GRIK1: variants seen among roughly 807,000 people sequenced by gnomAD.
GRIK1 encodes the protein glutamate ionotropic receptor kainate type subunit 1.
A neutral mutation model predicts 105.7 loss-of-function variants in GRIK1; 69 were observed. The observed-to-expected ratio is 0.65, with a 90% CI of 0.54 to 0.80. The LOEUF is 0.80. GRIK1 is among the 30% of genes least tolerant of loss of function. The probability of loss-of-function intolerance (pLI) is 0.00; values close to 1 mark genes in which losing one functional copy is unlikely to be tolerated. For synonymous variants in GRIK1, 438 were observed against 431.3 expected, an observed-to-expected ratio of 1.02 and a Z score of -0.19; for missense variants, 1,109 against 1,167.3, an observed-to-expected ratio of 0.95 and a Z score of 0.73.
intron 1 of GRIK1, among the ~76,000 whole-genome samples, chr21:29,697,628 A>C (rs1197226704): frequency 6.6e-6 from 1 of 152,206 alleles, no homozygotes; most frequent in East Asian, 1.9e-4. Flanking sequence ...TGTACCAAAA[A>C]AGTGAGATCT....
intron 7 of GRIK1, among the ~76,000 whole-genome samples, chr21:29,629,194 A>ATGTGTGTGTGTG (rs71191120): frequency 6.9e-4 from 92 of 132,658 alleles, no homozygotes; most frequent in Middle Eastern, 7.2e-3. Flanking sequence ...GAAAGGAGAA[A>ATGTGTGTGTGTG]TGTGTGTGTG....
intron 1 of GRIK1, among the ~76,000 whole-genome samples, chr21:29,825,074 T>G (rs1391350048): frequency 1.3e-5 from 2 of 152,084 alleles, no homozygotes; most frequent in Admixed American, 1.3e-4. Flanking sequence ...TGATTAAAGA[T>G]TAGAGCCAGA....
At chr21:29,668,008 T>G (rs1269762660) in intron 4 of GRIK1, among the ~76,000 whole-genome samples, 2 of 152,222 alleles carry the variant, frequency 1.3e-5, no homozygotes, top group Non-Finnish European at 2.9e-5. Context: ...TTGGCAGAGA[T>G]GAGAGTATAG....
intron 1 of GRIK1, among the ~76,000 whole-genome samples, chr21:29,743,170 G>A (rs2064970066): frequency 6.6e-6 from 1 of 152,112 alleles, no homozygotes; most frequent in Non-Finnish European, 1.5e-5. Context: ...TACATACAGA[G>A]AGAGATGAAG....
intron 7 of GRIK1, among the ~76,000 whole-genome samples, chr21:29,608,974 T>G (rs887368050): frequency 1.3e-5 from 2 of 152,022 alleles, no homozygotes; most frequent in Non-Finnish European, 2.9e-5. Flanking sequence ...TAGGATTAAG[T>G]GAACTGCTGA....
intron 7 of GRIK1, among the ~76,000 whole-genome samples, chr21:29,604,630 T>C (rs1455701701): frequency 6.6e-6 from 1 of 152,238 alleles, no homozygotes; most frequent in Non-Finnish European, 1.5e-5. Flanking sequence ...GCTTGCCTTA[T>C]GTAGAAGCAT....
rs13050890 is a variant in GRIK1 at position 29,560,357 on chromosome 21, T to C, written c.2356+1267A>G. On this transcript the variant is annotated intron_variant, in intron 15 of 17. Transcript: ENST00000327783. The stretch of plus-strand genomic sequence containing the variant: ...TTTCTTTCTTTCTTTCTTTCTTTCT[T>C]TTTCTTTCTTCCTTCCTTCCTTCCT... 6.9e-3 allele frequency among the ~76,000 whole-genome samples: 400 copies of C among 57,976 alleles called. 22 individuals are homozygous for C. The highest frequency in any genetic ancestry group is 0.024 in the African/African-American group (288 of 11,988). The allele number at this position is 57,976 out of a possible 152,430, so 38.0% of individuals were successfully genotyped here. A position where few individuals can be genotyped will look rare whatever the true frequency, so the allele number is the denominator to read the frequency against.
At chr21:29,642,435 G>A (rs1335020420) in intron 7 of GRIK1, among the ~76,000 whole-genome samples, 3 of 152,188 alleles carry the variant, frequency 2.0e-5, no homozygotes, top group Admixed American at 6.5e-5. Flanking sequence ...GAGGCCACTG[G>A]GATTGTGGAC....
chr21:29,853,292 C>G (rs1027163239), intron 1 of GRIK1, among the ~76,000 whole-genome samples: 3 of 152,214 alleles, frequency 2.0e-5, no homozygotes, highest in South Asian at 2.1e-4. Flanking sequence ...GCACTATTGA[C>G]ATTTTGGTTC....
At chr21:29,682,937 A>C (rs2063409402) in intron 3 of GRIK1, among the ~76,000 whole-genome samples, 2 of 152,062 alleles carry the variant, frequency 1.3e-5, no homozygotes, top group Non-Finnish European at 2.9e-5. Flanking sequence ...AACAAACAAA[A>C]AAAAACCAAA....
At chr21:29,721,849 G>A (rs974713466) in intron 1 of GRIK1, among the ~76,000 whole-genome samples, 4 of 152,030 alleles carry the variant, frequency 2.6e-5, no homozygotes, top group African/African-American at 4.8e-5. Context: ...CCTGCATCTC[G>A]TTACCTCTAA....
chr21:29,885,603 C>A (rs1402505861), intron 1 of GRIK1, among the ~76,000 whole-genome samples: 2 of 152,166 alleles, frequency 1.3e-5, no homozygotes, highest in Non-Finnish European at 2.9e-5. Context: ...GAATGAGTGA[C>A]AAATACTGCC....
chr21:29,903,019 C>T (rs142343649), intron 1 of GRIK1, among the ~76,000 whole-genome samples: 2 of 147,322 alleles, frequency 1.4e-5, no homozygotes, highest in African/African-American at 5.2e-5. Flanking sequence ...CTGACACATA[C>T]AAGCAATGGG....
At chr21:29,910,783 C>CA (rs11378448) in intron 1 of GRIK1, among the ~76,000 whole-genome samples, 152,088 of 152,206 alleles carry the variant, frequency 1, 75,985 homozygotes, top group Non-Finnish European at 1. Flanking sequence ...TAATTTTACA[C>CA]GATCTATTTA....
chr21:29,756,109 C>T (rs555743542), intron 1 of GRIK1, among the ~76,000 whole-genome samples: 44 of 152,302 alleles, frequency 2.9e-4, no homozygotes, highest in African/African-American at 8.4e-4. Context: ...GGGCCGGGCG[C>T]GGTGGCTCAC....
At chr21:29,793,792 C>T (rs767093261) in intron 1 of GRIK1, among the ~76,000 whole-genome samples, 6 of 152,106 alleles carry the variant, frequency 3.9e-5, no homozygotes, top group Non-Finnish European at 7.3e-5. Flanking sequence ...TTGCTTATAG[C>T]GGTGCTCCAC....
At chr21:29,910,442 A>G (rs1192955191) in intron 1 of GRIK1, among the ~76,000 whole-genome samples, 1 of 152,134 alleles carries the variant, frequency 6.6e-6, no homozygotes, top group African/African-American at 2.4e-5. Context: ...GAAGGGCAGA[A>G]ATTAGCAATG....
At chr21:29,817,901 G>A (rs118109754) in intron 1 of GRIK1, among the ~76,000 whole-genome samples, 4,184 of 152,152 alleles carry the variant, frequency 0.027, 93 homozygotes, top group Non-Finnish European at 0.043. Context: ...AGTTGGCTAC[G>A]CATTAAACAT....
chr21:29,560,389 C>CT (rs879563365), intron 15 of GRIK1, among the ~76,000 whole-genome samples: 12,440 of 76,214 alleles, frequency 0.16, 3,034 homozygotes, highest in Non-Finnish European at 0.2. Context: ...TCCTTCCTTC[C>CT]TTCCTTCCTT....
Sources: allele counts gnomAD v4.1 joint callset (sites outside exome capture counted in the v4.1 genomes callset), GRCh38; gene constraint gnomAD v4.1.1; transcripts MANE v1.5; gene names NCBI Gene and HGNC (gene_info 2026-07-23, HGNC 2026-07-21).